The following DACH1 variants were observed in gnomAD, a reference collection of about 807,000 sequenced individuals.
DACH1 encodes the protein dachshund family transcription factor 1.
DACH1 carries 12 observed loss-of-function variants against 54.2 expected under a neutral mutation model. The observed-to-expected ratio is 0.22, with a 90% confidence interval of 0.14 to 0.36. The LOEUF (loss-of-function observed/expected upper bound fraction) is 0.36, where lower values mean the gene tolerates loss of function less well. Among genes scored for constraint, DACH1 ranks in the 10% least tolerant of loss-of-function variants. The probability of loss-of-function intolerance (pLI) is 1.00; values close to 1 mark genes in which losing one functional copy is unlikely to be tolerated. For missense variants in DACH1, 805 were observed against 929.8 expected, an observed-to-expected ratio of 0.87 and a Z score of 1.75; for synonymous variants, 386 against 366.2, an observed-to-expected ratio of 1.05 and a Z score of -0.62.
At chr13:71,786,891 T>C (rs991198121) in intron 1 of DACH1, among the ~76,000 whole-genome samples, 8 of 152,160 alleles carry the variant, frequency 5.3e-5, no homozygotes, top group African/African-American at 1.9e-4. Flanking sequence ...ATCTGATCCT[T>C]TTCTTCCTGG....
At chr13:71,495,859 G>C (rs1330607349) in intron 6 of DACH1, among the ~76,000 whole-genome samples, 1 of 152,074 alleles carries the variant, frequency 6.6e-6, no homozygotes, top group Non-Finnish European at 1.5e-5. Context: ...ACTTGCACTT[G>C]TATGTTTATT....
intron 1 of DACH1, among the ~76,000 whole-genome samples, chr13:71,733,351 T>C (rs1002806331): frequency 2.0e-5 from 3 of 152,094 alleles, no homozygotes; most frequent in African/African-American, 7.2e-5. Flanking sequence ...CTTGTTTGTT[T>C]GTTTGTGTTT....
chr13:71,812,208 A>G (rs1051353655), intron 1 of DACH1, among the ~76,000 whole-genome samples: 3 of 152,198 alleles, frequency 2.0e-5, no homozygotes, highest in Admixed American at 6.5e-5. Context: ...TTTAATAAAA[A>G]AAGTTTCCAC....
Position 71,795,843 on chromosome 13 carries a change from G to A in DACH1, c.848+70079C>T, listed in dbSNP as rs904677623. 7.9e-5 allele frequency among the ~76,000 whole-genome samples: 12 copies of A among 152,152 alleles called. No individual in the cohort carries two copies. The East Asian group carries it at 2.3e-3, about 29-fold the overall frequency. Reference sequence around the variant, plus strand: ...TTGGAAGGAGCAAATTTAAAAAAATGCATGTACATAGCTTGGCGTGGTAAG... The same window carrying A: ...TTGGAAGGAGCAAATTTAAAAAAATACATGTACATAGCTTGGCGTGGTAAG... On this transcript the variant is annotated intron_variant, in intron 1 of 10. Transcript: ENST00000613252.
intron 1 of DACH1, among the ~76,000 whole-genome samples, chr13:71,842,098 T>G (rs1178180580): frequency 2.0e-5 from 3 of 152,142 alleles, no homozygotes; most frequent in Admixed American, 6.5e-5. Flanking sequence ...GATAACTCAT[T>G]TAGTACCTGT....
chr13:71,858,239 TA>T (rs558757468), intron 1 of DACH1, among the ~76,000 whole-genome samples: 2 of 151,732 alleles, frequency 1.3e-5, no homozygotes, highest in Admixed American at 6.6e-5. Context: ...AAAATAAGGT[TA>T]TTTTTTTCCT....
rs1015932351 is a variant in DACH1, at chr13:71,439,695, C to G, written c.*960G>C. ...CATTCATTAATACTGTGACTCCAGA[C>G]AAATATTTACATGCCTGCATGCGTT... On this transcript the variant is annotated 3_prime_UTR_variant, in exon 11 of 11. Transcript: ENST00000613252. The G allele has an allele frequency of 6.6e-6, 1 of 152,330 alleles. No individual in the cohort carries two copies. Among genetic ancestry groups the G allele is most frequent in the African/African-American group, 2.4e-5 (1 of 41,410 alleles). The allele number at this position is 152,330 out of a possible 1,614,324, so 9.4% of individuals were successfully genotyped here.
intron 10 of DACH1, among the ~76,000 whole-genome samples, chr13:71,450,248 G>A (rs1281037820): frequency 6.6e-6 from 1 of 151,468 alleles, no homozygotes; most frequent in African/African-American, 2.4e-5. Context: ...TCCGCACTGG[G>A]GAAATGCTCA....
At chr13:71,757,974 C>T (rs1885239006) in intron 1 of DACH1, among the ~76,000 whole-genome samples, 1 of 151,954 alleles carries the variant, frequency 6.6e-6, no homozygotes, top group South Asian at 2.1e-4. Flanking sequence ...ACAAAATATA[C>T]ATAAACATAA....
At chr13:71,816,337 G>A (rs1887920358) in intron 1 of DACH1, among the ~76,000 whole-genome samples, 1 of 151,748 alleles carries the variant, frequency 6.6e-6, no homozygotes, top group South Asian at 2.1e-4. Context: ...CTACTTCTTG[G>A]GGAAAGGCAA....
chr13:71,728,320 C>A (rs1379351590), intron 1 of DACH1, among the ~76,000 whole-genome samples: 1 of 151,866 alleles, frequency 6.6e-6, no homozygotes, highest in Non-Finnish European at 1.5e-5. Flanking sequence ...CCATTTAGAA[C>A]CCAAAATTAG....
chr13:71,802,757 G>T (rs1162991992), intron 1 of DACH1, among the ~76,000 whole-genome samples: 1 of 151,530 alleles, frequency 6.6e-6, no homozygotes, highest in African/African-American at 2.4e-5. Context: ...TGTTTTCAGA[G>T]TATGAGACAA....
At chr13:71,522,164 A>G (rs1337798841) in intron 6 of DACH1, among the ~76,000 whole-genome samples, 1 of 152,270 alleles carries the variant, frequency 6.6e-6, no homozygotes, top group East Asian at 1.9e-4. Flanking sequence ...ATAAGCAGAG[A>G]GCTTTCAAGT....
At chr13:71,582,591 G>A (rs1180513334) in intron 3 of DACH1, among the ~76,000 whole-genome samples, 1 of 152,098 alleles carries the variant, frequency 6.6e-6, no homozygotes, top group Non-Finnish European at 1.5e-5. Context: ...GGAGATGGCT[G>A]CCTTTAAATA....
At chr13:71,514,479 G>A (rs2138265397) in intron 6 of DACH1, among the ~76,000 whole-genome samples, 1 of 151,836 alleles carries the variant, frequency 6.6e-6, no homozygotes, top group South Asian at 2.1e-4. Flanking sequence ...TTCATGTAAA[G>A]TTATCAAATG....
At chr13:71,674,550 A>C (rs1485112173) in intron 2 of DACH1, among the ~76,000 whole-genome samples, 1 of 151,830 alleles carries the variant, frequency 6.6e-6, no homozygotes, top group Non-Finnish European at 1.5e-5. Flanking sequence ...AAATGCCTGC[A>C]GCTCCCAGAA....
rs372196005 is a variant in DACH1, at chr13:71,769,475, G to C, written c.849-87565C>G. 7.3e-5 allele frequency among the ~76,000 whole-genome samples: 11 copies of C among 151,642 alleles called. No homozygotes were observed. The East Asian group carries it at 1.2e-3, about 16-fold the overall frequency. ...TTCTGCTCCTAGAGTGAGAAATTAA[G>C]TATATCCAGGATGAGACCAATAAAT... On this transcript the variant is annotated intron_variant, in intron 1 of 10. Transcript: ENST00000613252.
rs1056108987 is a variant in DACH1, at chr13:71,610,356, G to A, written c.1126+20200C>T. On this transcript the variant is annotated intron_variant, in intron 3 of 10. Transcript: ENST00000613252. ...CTGTCATACAGAATATGAAAGTTACGATGGTCGTGACTATTTCATTCAAAG... is the reference window on the plus strand; with the variant it reads ...CTGTCATACAGAATATGAAAGTTACAATGGTCGTGACTATTTCATTCAAAG... 3.9e-5 allele frequency among the ~76,000 whole-genome samples: 6 copies of A among 152,134 alleles called. 1 individual carries two copies. Among genetic ancestry groups the A allele is most frequent in the South Asian group, 2.1e-4 (1 of 4,830 alleles).
At chr13:71,771,316 G>GATAAAGAA in intron 1 of DACH1, among the ~76,000 whole-genome samples, 1 of 78,954 alleles carries the variant, frequency 1.3e-5, no homozygotes, top group Middle Eastern at 6.3e-3. Context: ...GAAGCAAAAG[G>GATAAAGAA]ATAAATAAAT....
Sources: allele counts gnomAD v4.1 joint callset (sites outside exome capture counted in the v4.1 genomes callset), GRCh38; gene constraint gnomAD v4.1.1; transcripts MANE v1.5; gene names NCBI Gene and HGNC (gene_info 2026-07-23, HGNC 2026-07-21).